Variants in PPM1L observed in about 807,000 individuals in gnomAD.
PPM1L encodes the protein protein phosphatase 1L.
A neutral mutation model predicts 31.4 loss-of-function variants in PPM1L; 13 were observed. The observed-to-expected ratio is 0.41, with a 90% confidence interval of 0.27 to 0.66. The LOEUF (loss-of-function observed/expected upper bound fraction) is 0.66, where lower values mean the gene tolerates loss of function less well. Among genes scored for constraint, PPM1L ranks in the 30% least tolerant of loss-of-function variants. The pLI is 0.29. For missense variants in PPM1L, 326 were observed against 453.7 expected (o/e 0.72, Z 2.56); for synonymous variants, 184 against 175.4 (o/e 1.05, Z -0.39).
chr3:160,850,252 A>G (rs1711500319), intron 1 of PPM1L, among the ~76,000 whole-genome samples: 1 of 152,210 alleles, frequency 6.6e-6, no homozygotes, highest in Non-Finnish European at 1.5e-5. Flanking sequence ...AAAGAGATTC[A>G]TAGAGCAAGG....
At chr3:160,778,284 T>C (rs915917443) in intron 1 of PPM1L, among the ~76,000 whole-genome samples, 4 of 152,146 alleles carry the variant, frequency 2.6e-5, no homozygotes, top group African/African-American at 9.7e-5. Context: ...TATTAATCTC[T>C]TATCAGGTAG....
At chr3:160,966,261 T>C (rs1420270952) in intron 2 of PPM1L, among the ~76,000 whole-genome samples, 1 of 152,156 alleles carries the variant, frequency 6.6e-6, no homozygotes, top group African/African-American at 2.4e-5. Flanking sequence ...TATAAAATTA[T>C]CTGACTTAAA....
chr3:161,009,572 G>C (rs1357538342), intron 2 of PPM1L, among the ~76,000 whole-genome samples: 1 of 152,038 alleles, frequency 6.6e-6, no homozygotes, highest in Non-Finnish European at 1.5e-5. Flanking sequence ...ATCAATAACA[G>C]CCTCTCTGCA....
intron 1 of PPM1L, among the ~76,000 whole-genome samples, chr3:160,841,842 T>G (rs1208073432): frequency 3.3e-5 from 5 of 152,352 alleles, no homozygotes; most frequent in African/African-American, 7.2e-5. Context: ...AGTGAAATAT[T>G]GAAATTTTTT....
intron 1 of PPM1L, among the ~76,000 whole-genome samples, chr3:160,936,519 G>T (rs1247175984): frequency 2.0e-5 from 3 of 152,220 alleles, no homozygotes; most frequent in Admixed American, 6.5e-5. Context: ...AGTGCATAAA[G>T]TTTCTCGGAT....
At chr3:161,032,802 C>T (rs553560207) in intron 2 of PPM1L, among the ~76,000 whole-genome samples, 35 of 151,550 alleles carry the variant, frequency 2.3e-4, no homozygotes, top group African/African-American at 8.2e-4. Context: ...AAGTGATTCT[C>T]CTGCCTCAGC....
chr3:160,985,370 A>T (rs185934990), intron 2 of PPM1L, among the ~76,000 whole-genome samples: 1 of 152,300 alleles, frequency 6.6e-6, no homozygotes, highest in African/African-American at 2.4e-5. Flanking sequence ...TAGTTTAGAC[A>T]TCATCACAAA....
intron 1 of PPM1L, among the ~76,000 whole-genome samples, chr3:160,771,833 TC>T (rs1173237362): frequency 6.6e-6 from 1 of 152,036 alleles, no homozygotes; most frequent in African/African-American, 2.4e-5. Flanking sequence ...TAATTTATAT[TC>T]TAAATACATG....
chr3:160,937,615 G>A (rs183014287), intron 1 of PPM1L, among the ~76,000 whole-genome samples: 29 of 151,274 alleles, frequency 1.9e-4, no homozygotes, highest in African/African-American at 6.1e-4. Flanking sequence ...GCAAGTCTCC[G>A]TCTCAAAAAA....
chr3:160,924,682 A>G (rs1030275801), intron 1 of PPM1L, among the ~76,000 whole-genome samples: 1 of 152,244 alleles, frequency 6.6e-6, no homozygotes, highest in African/African-American at 2.4e-5. Flanking sequence ...AGATACTGGC[A>G]TATGCCTTCC....
chr3:160,950,471 A>G (rs898462521), intron 1 of PPM1L, among the ~76,000 whole-genome samples: 3 of 152,142 alleles, frequency 2.0e-5, no homozygotes, highest in African/African-American at 7.2e-5. Flanking sequence ...AACTACACAT[A>G]CAAGGAGCCT....
chr3:160,757,645 A>G (rs1714848145), intron 1 of PPM1L, among the ~76,000 whole-genome samples: 1 of 152,228 alleles, frequency 6.6e-6, no homozygotes, highest in African/African-American at 2.4e-5. Context: ...CTCTAGCGCC[A>G]TGCTCCAAAG....
intron 1 of PPM1L, among the ~76,000 whole-genome samples, chr3:160,791,089 A>G (rs1299047676): frequency 6.6e-6 from 1 of 152,128 alleles, no homozygotes; most frequent in Non-Finnish European, 1.5e-5. Context: ...GCCAAACTCG[A>G]TTAGCACTAC....
At chr3:160,778,278 A>G (rs746149834) in intron 1 of PPM1L, among the ~76,000 whole-genome samples, 13 of 152,052 alleles carry the variant, frequency 8.5e-5, no homozygotes, top group African/African-American at 1.9e-4. Context: ...TCCAGATATT[A>G]ATCTCTTATC....
chr3:160,860,882 A>G (rs1184490059), intron 1 of PPM1L, among the ~76,000 whole-genome samples: 1 of 152,132 alleles, frequency 6.6e-6, no homozygotes, highest in African/African-American at 2.4e-5. Context: ...AATCCCATTC[A>G]TGAGGGTTTC....
At chr3:160,926,537 C>T (rs961332294) in intron 1 of PPM1L, among the ~76,000 whole-genome samples, 1 of 152,152 alleles carries the variant, frequency 6.6e-6, no homozygotes, top group Non-Finnish European at 1.5e-5. Context: ...TTCTTAGAAC[C>T]TCCCCCCCTT....
At chr3:160,881,167 A>G (rs1330315173) in intron 1 of PPM1L, among the ~76,000 whole-genome samples, 1 of 152,230 alleles carries the variant, frequency 6.6e-6, no homozygotes, top group Non-Finnish European at 1.5e-5. Context: ...ACTAAGGAGT[A>G]CTGTACTATT....
chr3:160,951,936 G>A (rs953365867), intron 1 of PPM1L, among the ~76,000 whole-genome samples: 5 of 152,182 alleles, frequency 3.3e-5, no homozygotes, highest in African/African-American at 9.7e-5. Flanking sequence ...TCTGTAATAG[G>A]TGTAAGATTT....
At chr3:160,815,704 C>G (rs1328464985) in intron 1 of PPM1L, among the ~76,000 whole-genome samples, 1 of 152,028 alleles carries the variant, frequency 6.6e-6, no homozygotes, top group Admixed American at 6.6e-5. Flanking sequence ...AAATTATTCC[C>G]AAGGACTGTG....
Sources: allele counts gnomAD v4.1 joint callset (sites outside exome capture counted in the v4.1 genomes callset), GRCh38; gene constraint gnomAD v4.1.1; transcripts MANE v1.5; gene names NCBI Gene and HGNC (gene_info 2026-07-23, HGNC 2026-07-21).